Variants in MTUS2 observed in about 807,000 individuals in gnomAD.
The protein encoded by MTUS2 is microtubule associated scaffold protein 2, also known as microtubule-associated tumor suppressor candidate 2.
Under a neutral mutation model 114.1 loss-of-function variants are expected in MTUS2, and 40 were observed. The ratio of observed to expected loss-of-function variants is 0.35; its 90% CI spans 0.27 to 0.46. The LOEUF (loss-of-function observed/expected upper bound fraction) is 0.46. Ranked by LOEUF, MTUS2 falls within the 20% of genes least tolerant of loss-of-function variation. The pLI, the probability that MTUS2 is intolerant of heterozygous loss-of-function variation, is 1.00. For synonymous variants in MTUS2, 688 were observed against 672.0 expected, an observed-to-expected ratio of 1.02 and a Z score of -0.37; for missense variants, 1,679 against 1,705.4, an observed-to-expected ratio of 0.98 and a Z score of 0.27.
At chr13:29,356,349 G>A (rs370145413) in intron 7 of MTUS2, among the ~76,000 whole-genome samples, 1 of 152,154 alleles carries the variant, frequency 6.6e-6, no homozygotes, top group Admixed American at 6.5e-5. Context: ...CTAATTATCC[G>A]ATACAAACCT....
At chr13:29,134,160 T>C (rs763528628) in intron 5 of MTUS2, among the ~76,000 whole-genome samples, 2 of 152,226 alleles carry the variant, frequency 1.3e-5, no homozygotes, top group Non-Finnish European at 2.9e-5. Flanking sequence ...TGTTTAAGAG[T>C]GTGCTGTTTA....
intron 2 of MTUS2, among the ~76,000 whole-genome samples, chr13:28,858,651 T>C (rs1024643135): frequency 1.3e-5 from 2 of 152,166 alleles, no homozygotes; most frequent in African/African-American, 2.4e-5. Context: ...TAAAATAGAA[T>C]GCATTAATTT....
intron 5 of MTUS2, among the ~76,000 whole-genome samples, chr13:29,149,326 T>C (rs574609749): frequency 1.3e-5 from 2 of 152,260 alleles, no homozygotes; most frequent in Non-Finnish European, 2.9e-5. Flanking sequence ...ATGTCTTCTT[T>C]TGAGAAGTGT....
chr13:29,357,028 C>T (rs1869800675), intron 7 of MTUS2, among the ~76,000 whole-genome samples: 1 of 152,274 alleles, frequency 6.6e-6, no homozygotes, highest in Non-Finnish European at 1.5e-5. Flanking sequence ...GAGCTTTTTG[C>T]ACTGTTGTTC....
At chr13:29,184,263 A>G (rs9551611) in intron 5 of MTUS2, among the ~76,000 whole-genome samples, 3,846 of 152,270 alleles carry the variant, frequency 0.025, 96 homozygotes, top group East Asian at 0.067. Flanking sequence ...TATATAAAAC[A>G]TTACTGTTCC....
intron 8 of MTUS2, among the ~76,000 whole-genome samples, chr13:29,380,140 C>T (rs2138358073): frequency 6.6e-6 from 1 of 152,230 alleles, no homozygotes; most frequent in South Asian, 2.1e-4. Context: ...TGCTCCTTGT[C>T]CCTCTGTTCC....
chr13:28,963,867 C>T (rs751160761), intron 2 of MTUS2, among the ~76,000 whole-genome samples: 12 of 152,150 alleles, frequency 7.9e-5, no homozygotes, highest in Non-Finnish European at 1.6e-4. Context: ...CACCCTCCTT[C>T]TTGAAATGCT....
chr13:28,977,229 G>A (rs1415071191), intron 2 of MTUS2, among the ~76,000 whole-genome samples: 1 of 152,074 alleles, frequency 6.6e-6, no homozygotes, highest in Non-Finnish European at 1.5e-5. Flanking sequence ...TTGATGAATC[G>A]CATCCTGGTG....
chr13:29,389,463 A>ATACACG (rs1873008449), intron 8 of MTUS2, among the ~76,000 whole-genome samples: 3 of 46,282 alleles, frequency 6.5e-5, no homozygotes, highest in African/African-American at 1.4e-4. Flanking sequence ...ACGTGTGTGT[A>ATACACG]TGTGTATATG....
rs1329381337 is a variant in MTUS2 at position 29,067,053 on chromosome 13, T to C, written c.2446+32928T>C. 3.3e-5 allele frequency among the ~76,000 whole-genome samples: 5 copies of C among 152,282 alleles called. No homozygotes were observed. The East Asian group carries it at 9.7e-4, about 29-fold the overall frequency. On this transcript the variant is annotated intron_variant, in intron 4 of 15. Coordinates refer to ENST00000612955, the MANE Select transcript of MTUS2 (RefSeq NM_001033602.4). ...TAGGGGAACACTGGGGTATGTTTTA[T>C]AGGATTGGGGGTGGTGGAAGATAGT...
intron 6 of MTUS2, among the ~76,000 whole-genome samples, chr13:29,306,463 C>CA (rs2139624534): frequency 6.6e-6 from 1 of 152,190 alleles, no homozygotes; most frequent in Non-Finnish European, 1.5e-5. Context: ...AATCAGTCTG[C>CA]AAAAATTGCT....
chr13:29,235,743 T>C (rs1896511664), intron 5 of MTUS2, among the ~76,000 whole-genome samples: 1 of 152,220 alleles, frequency 6.6e-6, no homozygotes, highest in Non-Finnish European at 1.5e-5. Flanking sequence ...GAATGAATTA[T>C]TTAAATAGAT....
At chr13:29,168,851 A>T (rs1400284819) in intron 5 of MTUS2, among the ~76,000 whole-genome samples, 1 of 147,258 alleles carries the variant, frequency 6.8e-6, no homozygotes, top group Non-Finnish European at 1.5e-5. Flanking sequence ...TTTTGCAGAC[A>T]CCACAACACA....
At chr13:28,879,165 A>C (rs1878135188) in intron 2 of MTUS2, among the ~76,000 whole-genome samples, 1 of 149,380 alleles carries the variant, frequency 6.7e-6, no homozygotes, top group Non-Finnish European at 1.5e-5. Flanking sequence ...CTCACTTTTA[A>C]TTTTTTTTTC....
intron 2 of MTUS2, among the ~76,000 whole-genome samples, chr13:28,976,102 G>A (rs746239829): frequency 1.5e-4 from 22 of 151,546 alleles, no homozygotes; most frequent in South Asian, 1.3e-3. Context: ...TACTCAGGAG[G>A]CTGAGGTGAG....
chr13:29,286,898 C>G (rs1476637812), intron 6 of MTUS2, among the ~76,000 whole-genome samples: 1 of 152,180 alleles, frequency 6.6e-6, no homozygotes, highest in Non-Finnish European at 1.5e-5. Context: ...ATCATGTTAG[C>G]TAGGCTGGTC....
intron 5 of MTUS2, among the ~76,000 whole-genome samples, chr13:29,174,481 G>A (rs79534864): frequency 0.019 from 2,857 of 152,220 alleles, 36 homozygotes; most frequent in Non-Finnish European, 0.029. Flanking sequence ...ACTGAATTAC[G>A]GAATTTGAAG....
intron 13 of MTUS2, among the ~76,000 whole-genome samples, chr13:29,498,044 TCC>T (rs761188222): frequency 1.2e-3 from 179 of 152,210 alleles, no homozygotes; most frequent in Non-Finnish European, 6.6e-4. Flanking sequence ...CCTATAAGAG[TCC>T]CAGCTACCTG....
intron 2 of MTUS2, among the ~76,000 whole-genome samples, chr13:28,995,931 A>T (rs185136154): frequency 5.9e-5 from 9 of 152,248 alleles, no homozygotes; most frequent in African/African-American, 2.2e-4. Context: ...TTCCAACACT[A>T]TGTTGAATAG....
Sources: gnomAD v4.1 joint callset for allele counts (sites outside exome capture counted in the v4.1 genomes callset) on GRCh38, gnomAD v4.1.1 for gene constraint, MANE v1.5 for transcripts, NCBI Gene and HGNC (gene_info 2026-07-23, HGNC 2026-07-21) for gene names.